AGBL1: variants seen among roughly 807,000 people sequenced by gnomAD.
The protein encoded by AGBL1 is cytosolic carboxypeptidase 4.
In AGBL1, 130 loss-of-function variants were observed where a neutral mutation model predicts 118.9. The ratio of observed to expected loss-of-function variants is 1.09; its 90% CI spans 0.95 to 1.26. The LOEUF is 1.26. Ranked by LOEUF, AGBL1 falls within the 50% of genes most tolerant of loss-of-function variation. The pLI is 0.00. For missense variants in AGBL1, 1,584 were observed against 1,298.1 expected (o/e 1.22, Z -3.38); for synonymous variants, 555 against 478.9 (o/e 1.16, Z -2.08).
intron 21 of AGBL1, among the ~76,000 whole-genome samples, chr15:86,647,992 C>T (rs1049804305): frequency 2.6e-5 from 4 of 152,046 alleles, no homozygotes; most frequent in African/African-American, 9.7e-5. Context: ...GCAATGTGGC[C>T]AGTGTGACTG....
At chr15:86,249,390 A>G (rs2078772148) in intron 7 of AGBL1, among the ~76,000 whole-genome samples, 1 of 152,170 alleles carries the variant, frequency 6.6e-6, no homozygotes, top group Non-Finnish European at 1.5e-5. Context: ...CTCATTAAAA[A>G]ATGGTCTTTT....
At chr15:86,563,927 T>C (rs1364885890) in intron 21 of AGBL1, among the ~76,000 whole-genome samples, 1 of 152,238 alleles carries the variant, frequency 6.6e-6, no homozygotes, top group Non-Finnish European at 1.5e-5. Context: ...GTTTAAAGTC[T>C]GTTTTATCAG....
At chr15:86,371,786 G>T (rs2080974450) in intron 17 of AGBL1, among the ~76,000 whole-genome samples, 1 of 152,146 alleles carries the variant, frequency 6.6e-6, no homozygotes, top group South Asian at 2.1e-4. Context: ...GAGGGGAAAG[G>T]CTAAGGCAAC....
At chr15:86,919,573 G>GACACAC (rs376501612), downstream of AGBL1, among the ~76,000 whole-genome samples, 136 of 128,844 alleles carry the variant, frequency 1.1e-3, no homozygotes, top group African/African-American at 3.0e-3. Flanking sequence ...TCCCTGTTGA[G>GACACAC]ACACACACAC....
At chr15:86,587,128 C>A (rs2084261256) in intron 21 of AGBL1, among the ~76,000 whole-genome samples, 1 of 152,152 alleles carries the variant, frequency 6.6e-6, no homozygotes, top group African/African-American at 2.4e-5. Flanking sequence ...GAGCACACTG[C>A]AGTCATGGTC....
At chr15:86,575,130 C>T (rs144921001) in intron 21 of AGBL1, among the ~76,000 whole-genome samples, 4,402 of 151,360 alleles carry the variant, frequency 0.029, 220 homozygotes, top group African/African-American at 0.098. Context: ...TGGAGGTGAC[C>T]GTGAGCCAAG....
At chr15:86,826,114 G>T (rs1260019834) in intron 22 of AGBL1, among the ~76,000 whole-genome samples, 1 of 151,864 alleles carries the variant, frequency 6.6e-6, no homozygotes, top group Non-Finnish European at 1.5e-5. Context: ...AGTTTTGCTT[G>T]TACTTATTTG....
chr15:86,115,749 A>G (rs1195712009), intron 1 of AGBL1, among the ~76,000 whole-genome samples: 1 of 152,158 alleles, frequency 6.6e-6, no homozygotes, highest in African/African-American at 2.4e-5. Context: ...TTCCTAGGGC[A>G]TCTTCCTCAG....
At chr15:86,991,662 G>A (rs2081336832) in intron 24 of AGBL1, among the ~76,000 whole-genome samples, 3 of 152,108 alleles carry the variant, frequency 2.0e-5, no homozygotes, top group Admixed American at 2.0e-4. Flanking sequence ...TGTGAATATT[G>A]TCTGTTTTAC....
intron 18 of AGBL1, among the ~76,000 whole-genome samples, chr15:86,398,205 G>A (rs1351093958): frequency 6.6e-6 from 1 of 152,102 alleles, no homozygotes; most frequent in East Asian, 1.9e-4. Context: ...GGGAAAGATG[G>A]CTCCTGTGCC....
At chr15:86,853,407 GCT>G (rs1378343326) in intron 22 of AGBL1, among the ~76,000 whole-genome samples, 1 of 152,078 alleles carries the variant, frequency 6.6e-6, no homozygotes, top group African/African-American at 2.4e-5. Flanking sequence ...AATAAAATTA[GCT>G]ATTATTGCTT....
At chr15:86,451,627 A>G (rs771287734) in intron 18 of AGBL1, among the ~76,000 whole-genome samples, 5 of 152,166 alleles carry the variant, frequency 3.3e-5, no homozygotes, top group Non-Finnish European at 7.3e-5. Context: ...AGTTGCTGCT[A>G]CCTACCAAAA....
In AGBL1 at chr15:86,916,055, AT is replaced by A. The variant is rs2080418765; in HGVS notation, c.*8763del. 1 of 152,248 alleles carries A rather than the reference AT, an allele frequency of 6.6e-6. No individual in the cohort carries two copies. Among genetic ancestry groups the A allele is most frequent in the Non-Finnish European group, 1.5e-5 (1 of 68,050 alleles). The allele number at this position is 152,248 out of a possible 1,614,324, so 9.4% of individuals were successfully genotyped here. ...TCCAATCACCGACTGTCCTGTCTACATTAGCATTCACCCCGGGTGTCTATAA... is the reference window on the plus strand; with the variant it reads ...TCCAATCACCGACTGTCCTGTCTACATAGCATTCACCCCGGGTGTCTATAA... On this transcript the variant is annotated 3_prime_UTR_variant, in exon 23 of 23. Coordinates refer to ENST00000614907, the MANE Select transcript of AGBL1 (RefSeq NM_001386094.1).
rs191571664 is a variant in AGBL1, at chr15:86,687,684, A to G, written c.3158+13248A>G. Among the ~76,000 whole-genome samples, 94 of 152,306 alleles carry G rather than the reference A, an allele frequency of 6.2e-4. 1 individual carries two copies. The highest frequency in any genetic ancestry group is 5.6e-3 in the South Asian group (27 of 4,828). On this transcript the variant is annotated intron_variant, in intron 22 of 22. Transcript: ENST00000614907. ...GGCTAAGTTAGTTCCACAAGTTGCT[A>G]TGGAGTAGATTGATGGGAATTCTTA...
intron 13 of AGBL1, 76 bp downstream of exon 13, chr15:86,267,152 C>G: frequency 1.8e-6 from 2 of 1,126,662 alleles, no homozygotes; most frequent in Non-Finnish European, 1.3e-6. Flanking sequence ...TCCCCATGCT[C>G]TGTTCAGTGA....
chr15:86,983,232 G>C (rs2081248947), intron 23 of AGBL1, among the ~76,000 whole-genome samples: 2 of 151,960 alleles, frequency 1.3e-5, no homozygotes, highest in South Asian at 4.2e-4. Flanking sequence ...ATTTACTGTG[G>C]TGTTTATCTT....
intron 18 of AGBL1, among the ~76,000 whole-genome samples, chr15:86,447,921 G>C (rs2082143685): frequency 6.6e-6 from 1 of 152,160 alleles, no homozygotes; most frequent in Admixed American, 6.5e-5. Flanking sequence ...GAGGTGGGAG[G>C]ATTGCTTGAG....
intron 18 of AGBL1, among the ~76,000 whole-genome samples, chr15:86,502,117 A>G (rs1032448729): frequency 4.0e-5 from 6 of 151,536 alleles, no homozygotes; most frequent in Non-Finnish European, 3.0e-5. Flanking sequence ...ATTTCTTTCA[A>G]TAATGTTTTG....
rs191133583 is a variant in AGBL1, at chr15:86,291,600, C to A, written c.2221-3655C>A. On this transcript the variant is annotated intron_variant, in intron 16 of 22. Transcript: ENST00000614907. ...AGAAAGGGCTTAGTGAGAGTCTGGA[C>A]TCCCAGGCACAGCTTACTTTGTCCT... Among the ~76,000 whole-genome samples the A allele has an allele frequency of 3.3e-5, 5 of 152,342 alleles. No homozygotes were observed. The East Asian group carries it at 9.6e-4, about 29-fold the overall frequency.
Sources: allele counts gnomAD v4.1 joint callset (sites outside exome capture counted in the v4.1 genomes callset), GRCh38; gene constraint gnomAD v4.1.1; transcripts MANE v1.5; gene names NCBI Gene and HGNC (gene_info 2026-07-23, HGNC 2026-07-21).